The following SGCZ variants were observed in gnomAD, a reference collection of about 807,000 sequenced individuals.
SGCZ encodes zeta-sarcoglycan.
In SGCZ, 40 loss-of-function variants were observed where a neutral mutation model predicts 41.3. The ratio of observed to expected loss-of-function variants is 0.97; its 90% CI spans 0.75 to 1.26. The LOEUF is 1.26. SGCZ is among the 50% of genes most tolerant of loss of function. The pLI is 0.00. For synonymous variants in SGCZ, 206 were observed against 137.5 expected, an observed-to-expected ratio of 1.50 and a Z score of -3.49; for missense variants, 552 against 369.8, an observed-to-expected ratio of 1.49 and a Z score of -4.04.
intron 1 of SGCZ, among the ~76,000 whole-genome samples, chr8:14,636,956 T>C (rs966306468): frequency 7.9e-5 from 12 of 151,898 alleles, no homozygotes; most frequent in Non-Finnish European, 1.6e-4. Context: ...GCATTTAACA[T>C]TCTAGGTCAT....
intron 1 of SGCZ, among the ~76,000 whole-genome samples, chr8:15,072,186 G>A (rs1221036768): frequency 1.3e-5 from 2 of 152,070 alleles, no homozygotes; most frequent in African/African-American, 4.8e-5. Context: ...CTCGTCCCCA[G>A]TAAAGGAAGG....
chr8:14,947,230 T>C (rs1800482560), intron 1 of SGCZ, among the ~76,000 whole-genome samples: 2 of 152,128 alleles, frequency 1.3e-5, no homozygotes, highest in Non-Finnish European at 2.9e-5. Flanking sequence ...AAAAGCGAAA[T>C]ATCCCGGAAG....
At position 14,817,578 on chromosome 8, in the gene SGCZ, T is replaced by C. The variant is rs372593714; in HGVS notation, c.40-262652A>G. On this transcript the variant is annotated intron_variant, in intron 1 of 7. Coordinates refer to ENST00000382080, the MANE Select transcript of SGCZ (RefSeq NM_139167.4). ...CATTCCTGAGACACCATTGTCACTA[T>C]ACCACATTCACACAGGTGCCTACAG... is the stretch of plus-strand genomic sequence containing the variant. Among the ~76,000 whole-genome samples, 23 of 152,324 alleles carry C rather than the reference T, an allele frequency of 1.5e-4. No individual in the cohort carries two copies. The East Asian group carries it at 2.9e-3, about 19-fold the overall frequency.
intron 1 of SGCZ, among the ~76,000 whole-genome samples, chr8:14,798,384 G>A (rs1337918811): frequency 2.6e-5 from 4 of 152,090 alleles, no homozygotes; most frequent in Non-Finnish European, 5.9e-5. Context: ...CATAAAGTAT[G>A]TTACTTACAG....
chr8:14,123,448 T>C (rs1172505411), intron 5 of SGCZ, among the ~76,000 whole-genome samples: 1 of 152,154 alleles, frequency 6.6e-6, no homozygotes, highest in African/African-American at 2.4e-5. Flanking sequence ...CTATACTTAA[T>C]ATAGAGAGAT....
chr8:15,183,079 G>T (rs1800225567), intron 1 of SGCZ, among the ~76,000 whole-genome samples: 1 of 152,154 alleles, frequency 6.6e-6, no homozygotes, highest in Admixed American at 6.5e-5. Flanking sequence ...TAACAGGCAT[G>T]GAGCTGTCAT....
intron 3 of SGCZ, among the ~76,000 whole-genome samples, chr8:14,269,821 T>A (rs1193566332): frequency 1.3e-5 from 2 of 152,174 alleles, no homozygotes; most frequent in Non-Finnish European, 2.9e-5. Context: ...ACAGTCTGCA[T>A]ACGTTTTTGC....
chr8:14,420,157 TTCTA>T (rs1356439865), intron 2 of SGCZ, among the ~76,000 whole-genome samples: 8 of 152,048 alleles, frequency 5.3e-5, no homozygotes, highest in African/African-American at 9.7e-5. Context: ...CCTATAATAA[TTCTA>T]TCTGTTTTTT....
intron 2 of SGCZ, among the ~76,000 whole-genome samples, chr8:14,397,014 A>G (rs1798938566): frequency 6.6e-6 from 1 of 152,152 alleles, no homozygotes; most frequent in Non-Finnish European, 1.5e-5. Context: ...TAGCAAAGTT[A>G]TTTGAACTTT....
chr8:14,644,122 T>A (rs1282422122), intron 1 of SGCZ, among the ~76,000 whole-genome samples: 1 of 151,772 alleles, frequency 6.6e-6, no homozygotes, highest in East Asian at 1.9e-4. Context: ...ATTGTGATGG[T>A]TAATGTTATT....
chr8:15,223,802 G>A (rs1168032958), intron 1 of SGCZ, among the ~76,000 whole-genome samples: 1 of 152,104 alleles, frequency 6.6e-6, no homozygotes, highest in Non-Finnish European at 1.5e-5. Context: ...ACTAGAAAAA[G>A]TATAGCAAAA....
intron 1 of SGCZ, among the ~76,000 whole-genome samples, chr8:15,014,957 A>G (rs1462580798): frequency 6.6e-6 from 1 of 152,160 alleles, no homozygotes; most frequent in Non-Finnish European, 1.5e-5. Flanking sequence ...AATTTCTGAA[A>G]AAAGGCGACC....
intron 2 of SGCZ, among the ~76,000 whole-genome samples, chr8:14,355,771 G>T (rs957991701): frequency 6.6e-6 from 1 of 151,986 alleles, no homozygotes; most frequent in African/African-American, 2.4e-5. Flanking sequence ...GTACCCAGTT[G>T]TGGGATTATC....
chr8:14,820,271 C>A (rs985594484), intron 1 of SGCZ, among the ~76,000 whole-genome samples: 11 of 151,890 alleles, frequency 7.2e-5, no homozygotes, highest in African/African-American at 2.7e-4. Flanking sequence ...GAAGAGACAT[C>A]ATTATACAAT....
intron 1 of SGCZ, among the ~76,000 whole-genome samples, chr8:15,141,565 TG>T (rs1808322678): frequency 6.6e-6 from 1 of 152,220 alleles, no homozygotes; most frequent in Non-Finnish European, 1.5e-5. Context: ...AGATTCTGTC[TG>T]GGGATCTTCC....
At position 14,640,924 on chromosome 8, in the gene SGCZ, G is replaced by C. The variant is rs867939278; in HGVS notation, c.40-85998C>G. Among the ~76,000 whole-genome samples the C allele has an allele frequency of 2.0e-5, 3 of 151,658 alleles. 1 individual carries two copies. Among genetic ancestry groups the C allele is most frequent in the South Asian group, 4.1e-4 (2 of 4,828 alleles). ...TTAGAATATCTGGAAATGTGGTTAT[G>C]AATAACTGCAAGTTGCTCTTCTCCC... On this transcript the variant is annotated intron_variant, in intron 1 of 7. Transcript: ENST00000382080.
chr8:14,442,505 C>G (rs775807570), intron 2 of SGCZ, among the ~76,000 whole-genome samples: 13 of 152,102 alleles, frequency 8.5e-5, no homozygotes, highest in Admixed American at 1.3e-4. Flanking sequence ...CTAATACACC[C>G]TTCTTAATGC....
At chr8:14,207,634 A>G (rs1252431507) in intron 4 of SGCZ, among the ~76,000 whole-genome samples, 1 of 152,032 alleles carries the variant, frequency 6.6e-6, no homozygotes, top group Non-Finnish European at 1.5e-5. Context: ...TCTTCTGTTT[A>G]TGTAGTAGTG....
intron 1 of SGCZ, among the ~76,000 whole-genome samples, chr8:14,619,673 A>G (rs1007046841): frequency 7.2e-5 from 11 of 152,168 alleles, no homozygotes; most frequent in Non-Finnish European, 1.2e-4. Flanking sequence ...CCAAATCATG[A>G]GTGAACTCCC....
Sources: gnomAD v4.1 joint callset for allele counts (sites outside exome capture counted in the v4.1 genomes callset) on GRCh38, gnomAD v4.1.1 for gene constraint, MANE v1.5 for transcripts, NCBI Gene and HGNC (gene_info 2026-07-23, HGNC 2026-07-21) for gene names.